The following SDK1 variants were observed in gnomAD, a reference collection of about 807,000 sequenced individuals.
SDK1 encodes sidekick cell adhesion molecule 1.
In SDK1, 157 loss-of-function variants were observed where a neutral mutation model predicts 245.5. The observed-to-expected ratio is 0.64, with a 90% confidence interval of 0.56 to 0.73. SDK1 has a LOEUF of 0.73. Ranked by LOEUF, SDK1 falls within the 30% of genes least tolerant of loss-of-function variation. The pLI is 0.00. For missense variants in SDK1, 3,583 were observed against 3,002.3 expected (o/e 1.19, Z -4.52); for synonymous variants, 1,647 against 1,278.5 (o/e 1.29, Z -6.15).
intron 22 of SDK1, among the ~76,000 whole-genome samples, chr7:4,082,873 G>A (rs189842552): frequency 3.9e-5 from 6 of 151,972 alleles, no homozygotes; most frequent in Admixed American, 1.3e-4. Flanking sequence ...TGTCAGCCTC[G>A]GCCTCCCAAA....
chr7:3,763,571 G>C (rs1780166615), intron 4 of SDK1, among the ~76,000 whole-genome samples: 1 of 152,166 alleles, frequency 6.6e-6, no homozygotes, highest in Admixed American at 6.5e-5. Flanking sequence ...TATCATTAGA[G>C]TTTCATGTGT....
chr7:4,204,057 G>A (rs979525873), intron 35 of SDK1, among the ~76,000 whole-genome samples: 2 of 152,220 alleles, frequency 1.3e-5, no homozygotes, highest in Admixed American at 6.5e-5. Flanking sequence ...AGCTGTCGTG[G>A]GCGCGCTGAG....
At chr7:4,167,646 C>T (rs1781577485) in intron 32 of SDK1, among the ~76,000 whole-genome samples, 1 of 152,220 alleles carries the variant, frequency 6.6e-6, no homozygotes, top group Admixed American at 6.5e-5. Flanking sequence ...ACTGAGCATC[C>T]GCCATGGCTG....
intron 1 of SDK1, among the ~76,000 whole-genome samples, chr7:3,554,411 C>A (rs1418826546): frequency 6.9e-6 from 1 of 145,258 alleles, no homozygotes; most frequent in Non-Finnish European, 1.6e-5. Flanking sequence ...AAAAACAGAA[C>A]ATACCAAAAT....
chr7:3,971,394 C>A, intron 11 of SDK1, 72 bp from the exon 12 acceptor site: 1 of 977,172 alleles, frequency 1.0e-6, no homozygotes, highest in Non-Finnish European at 1.6e-6. Flanking sequence ...ATGACCAGGG[C>A]ATTATCCCCC....
intron 1 of SDK1, among the ~76,000 whole-genome samples, chr7:3,344,876 C>T (rs977940453): frequency 6.6e-6 from 1 of 152,154 alleles, no homozygotes; most frequent in African/African-American, 2.4e-5. Context: ...ATGATTACTG[C>T]CAGTCTTACT....
chr7:3,634,157 C>G (rs1362219031), intron 2 of SDK1, among the ~76,000 whole-genome samples: 3 of 152,070 alleles, frequency 2.0e-5, no homozygotes, highest in Non-Finnish European at 4.4e-5. Context: ...GTCTTTTCAG[C>G]CTTTAATTTG....
intron 4 of SDK1, among the ~76,000 whole-genome samples, chr7:3,779,066 T>C (rs1379797018): frequency 6.6e-6 from 1 of 152,246 alleles, no homozygotes; most frequent in Non-Finnish European, 1.5e-5. Context: ...TATTAAATTA[T>C]GGATGTTCCT....
At chr7:4,169,330 G>A (rs1224681723) in intron 32 of SDK1, among the ~76,000 whole-genome samples, 1 of 152,172 alleles carries the variant, frequency 6.6e-6, no homozygotes, top group African/African-American at 2.4e-5. Context: ...CTCAGGCACT[G>A]GGAACTGTAC....
At chr7:3,562,899 C>CTTAAATATGAAGAGAAGCAAAT (rs1779791374) in intron 1 of SDK1, among the ~76,000 whole-genome samples, 1 of 152,218 alleles carries the variant, frequency 6.6e-6, no homozygotes, top group African/African-American at 2.4e-5. Context: ...GAAGCAAATA[C>CTTAAATATGAAGAGAAGCAAAT]ACGGGCAGCT....
intron 1 of SDK1, among the ~76,000 whole-genome samples, chr7:3,499,053 G>A (rs1782112326): frequency 6.6e-6 from 1 of 152,134 alleles, no homozygotes; most frequent in Non-Finnish European, 1.5e-5. Context: ...ATCTGATGTT[G>A]CATATCACAC....
chr7:4,192,571 A>G lies in SDK1; in HGVS notation c.5099-13308A>G, dbSNP rs146282926. On this transcript the variant is annotated intron_variant, in intron 35 of 44. Coordinates refer to ENST00000404826, the MANE Select transcript of SDK1 (RefSeq NM_152744.4). The stretch of plus-strand genomic sequence containing the variant: ...ATTACAGGTGTGAGCCACCGTGCCC[A>G]GCCAGTAAAGTATATTCTAATTGAA... 9.7e-3 allele frequency among the ~76,000 whole-genome samples: 1,480 copies of G among 152,276 alleles called. 25 individuals carry two copies. The highest frequency in any genetic ancestry group is 0.034 in the African/African-American group (1,399 of 41,546).
intron 1 of SDK1, among the ~76,000 whole-genome samples, chr7:3,405,478 G>T (rs1378254102): frequency 6.6e-6 from 1 of 152,114 alleles, no homozygotes; most frequent in African/African-American, 2.4e-5. Flanking sequence ...GAATGTATAT[G>T]CTTTTACAGA....
At chr7:3,399,490 A>G (rs904584291) in intron 1 of SDK1, among the ~76,000 whole-genome samples, 3 of 152,054 alleles carry the variant, frequency 2.0e-5, no homozygotes, top group Admixed American at 2.0e-4. Context: ...ATATCTTTGC[A>G]TGCTTCATAT....
rs771168456 is a variant in SDK1, at chr7:4,079,488, G to A, written c.3228G>A (p.Leu1076=). ...PPDLPGAPSN[L]VISNISPRSA... is the part of the protein sequence containing the mutation. ...ACCTTCCTGGTGCCCCATCCAACCT[G>A]GTCATTTCCAACATCAGCCCTCGCT... The change falls in exon 22 of 45, where the codon CTG becomes CTA. Residue 1076 remains leucine, a synonymous_variant. Coordinates refer to ENST00000404826, the MANE Select transcript of SDK1 (RefSeq NM_152744.4). 1 of 1,614,182 alleles carries A rather than the reference G, an allele frequency of 6.2e-7. No homozygotes were observed. Among genetic ancestry groups the A allele is most frequent in the Non-Finnish European group, 8.5e-7 (1 of 1,180,030 alleles).
chr7:4,058,359 C>T (rs988630923), intron 19 of SDK1, among the ~76,000 whole-genome samples: 1 of 151,780 alleles, frequency 6.6e-6, no homozygotes, highest in African/African-American at 2.4e-5. Context: ...TATGAGTCAC[C>T]ATAAAGGAAT....
intron 5 of SDK1, among the ~76,000 whole-genome samples, chr7:3,871,172 T>C (rs148901334): frequency 6.6e-6 from 1 of 152,008 alleles, no homozygotes; most frequent in African/African-American, 2.4e-5. Context: ...TTGGTGCTAG[T>C]GTAAATGGTA....
At chr7:3,555,775 T>C (rs1049214248) in intron 1 of SDK1, among the ~76,000 whole-genome samples, 8 of 152,160 alleles carry the variant, frequency 5.3e-5, no homozygotes, top group South Asian at 2.1e-4. Flanking sequence ...TGAATAGATA[T>C]TTTGCAAAAG....
At chr7:4,101,733 C>A (rs1475856651) in intron 22 of SDK1, among the ~76,000 whole-genome samples, 1 of 152,270 alleles carries the variant, frequency 6.6e-6, no homozygotes, top group East Asian at 1.9e-4. Flanking sequence ...GCTGCTGGAC[C>A]CCAGAAGCGT....
Sources: allele counts gnomAD v4.1 joint callset (sites outside exome capture counted in the v4.1 genomes callset), GRCh38; gene constraint gnomAD v4.1.1; transcripts MANE v1.5; gene names NCBI Gene and HGNC (gene_info 2026-07-23, HGNC 2026-07-21).